The following MATR3 variants were observed in gnomAD, a reference collection of about 807,000 sequenced individuals.
MATR3 encodes matrin 3.
MATR3 carries 4 observed loss-of-function variants against 85.5 expected under a neutral mutation model. The observed-to-expected ratio is 0.05, with a 90% CI of 0.02 to 0.11. The LOEUF (loss-of-function observed/expected upper bound fraction) is 0.11. Among genes scored for constraint, MATR3 ranks in the 10% least tolerant of loss-of-function variants. The pLI is 1.00. For missense variants in MATR3, 685 were observed against 1,016.1 expected, an observed-to-expected ratio of 0.67 and a Z score of 4.43; for synonymous variants, 336 against 343.1, an observed-to-expected ratio of 0.98 and a Z score of 0.23.
Position 139,310,044 on chromosome 5 carries a change from CA to C in MATR3, c.912+1719del, listed in dbSNP as rs1445481507. 4 of 152,300 alleles carry C rather than the reference CA, an allele frequency of 2.6e-5. No individual in the cohort carries two copies. In the East Asian group the frequency reaches 7.7e-4, roughly 29 times the overall value. The allele number at this position is 152,300 out of a possible 1,614,324, so 9.4% of individuals were successfully genotyped here. A position where few individuals can be genotyped will look rare whatever the true frequency, so the allele number is the denominator to read the frequency against. ...TTAAGCTGTTGGGACATCATGAACA[CA>C]ATGGAACCATGAGAGGACTTCGAGA... On this transcript the variant is annotated intron_variant, in intron 2 of 14. Transcript: ENST00000394805.
At chr5:139,292,247 C>A (rs1382346121), upstream of MATR3, among the ~76,000 whole-genome samples, 7 of 152,180 alleles carry the variant, frequency 4.6e-5, no homozygotes, top group African/African-American at 1.4e-4. Context: ...CAGGCGAGAT[C>A]TACCGTGCCT....
chr5:139,308,417 C>T, intron 2 of MATR3, 90 bp downstream of exon 2: 10 of 1,465,244 alleles, frequency 6.8e-6, no homozygotes, highest in Non-Finnish European at 9.5e-6. Context: ...AGTCTGATGA[C>T]ATTGAGTTGA....
At chr5:139,280,136 A>G (rs1753461538) in intron 3 of MATR3, 1 of 152,248 alleles carries the variant, frequency 6.6e-6, no homozygotes, top group South Asian at 2.1e-4. Flanking sequence ...ACAGCCTTAG[A>G]CAATATCAAC....
intron 2 of MATR3, 61 bp from the exon 3 acceptor site, chr5:139,314,614 G>T: frequency 1.5e-6 from 2 of 1,351,108 alleles, no homozygotes; most frequent in Non-Finnish European, 1.1e-6. Flanking sequence ...GAGTTTGAAT[G>T]GTTCAGATGA....
At chr5:139,279,613 C>G (rs545282487) in intron 3 of MATR3, 2 of 159,858 alleles carry the variant, frequency 1.3e-5, no homozygotes, top group Admixed American at 1.2e-4. Context: ...AAGCGATTCT[C>G]CTGCCTCGGC....
chr5:139,315,647 T>C, intron 3 of MATR3, 50 bp from the exon 4 acceptor site: 1 of 1,274,742 alleles, frequency 7.8e-7, no homozygotes. Flanking sequence ...AAGGCTGTTT[T>C]GTGAAAAGGA....
upstream of MATR3, among the ~76,000 whole-genome samples, chr5:139,291,201 G>A (rs1354703206): frequency 6.6e-6 from 1 of 152,180 alleles, no homozygotes; most frequent in Non-Finnish European, 1.5e-5. Flanking sequence ...CCCTCTGCCT[G>A]GGGATGCTTT....
chr5:139,302,421 A>G (rs1032156550), intron 1 of MATR3, among the ~76,000 whole-genome samples: 5 of 152,230 alleles, frequency 3.3e-5, no homozygotes, highest in African/African-American at 9.6e-5. Context: ...CTTAAATGAA[A>G]TAATTGTTAC....
At chr5:139,318,638 T>C (rs1320470528) in intron 7 of MATR3, among the ~76,000 whole-genome samples, 2 of 152,256 alleles carry the variant, frequency 1.3e-5, no homozygotes, top group East Asian at 3.8e-4. Flanking sequence ...AGACGGGGTT[T>C]CACCATGTTG....
At chr5:139,304,056 T>C (rs2151951142) in intron 1 of MATR3, among the ~76,000 whole-genome samples, 1 of 152,304 alleles carries the variant, frequency 6.6e-6, no homozygotes, top group East Asian at 1.9e-4. Context: ...CTGAAACGTT[T>C]CCTAACCATA....
Position 139,307,539 on chromosome 5 carries a change from C to G in MATR3, c.124C>G (p.Leu42Val). ...CCAGTCTTTAAGTATGCCAGCATCT[C>G]TTGGAAGGATGAACCAGGGTACTGC... ...ATQSLSMPAS[L>V]GRMNQGTARL... is the part of the protein sequence containing the mutation. The change falls in exon 2 of 15, where the codon CTT becomes GTT. Residue 42 changes from leucine (L) to valine (V), a missense_variant. By Grantham distance (32) the Leu-to-Val change is conservative. Transcript: ENST00000394805. The surrounding 1 kb of genome is among the most constrained non-coding windows in gnomAD (Gnocchi z 4.4). 6.2e-7 allele frequency: 1 copy of G among 1,614,116 alleles called. No homozygotes were observed.
intron 1 of MATR3, among the ~76,000 whole-genome samples, chr5:139,306,663 A>C (rs1754721727): frequency 6.6e-6 from 1 of 152,156 alleles, no homozygotes; most frequent in Admixed American, 6.6e-5. Context: ...TTTCTTATTC[A>C]CATCTATCTT....
intron 3 of MATR3, chr5:139,315,427 C>T: frequency 5.2e-6 from 2 of 385,014 alleles, no homozygotes; most frequent in Non-Finnish European, 9.5e-6. Context: ...GGCACTTCCT[C>T]CTTACAATTT....
intron 9 of MATR3, among the ~76,000 whole-genome samples, chr5:139,320,875 G>C (rs1191762126): frequency 6.8e-6 from 1 of 147,030 alleles, no homozygotes; most frequent in Admixed American, 6.8e-5. Flanking sequence ...AGCTTCCCCA[G>C]TAGCTGGGAC....
intron 9 of MATR3, among the ~76,000 whole-genome samples, chr5:139,320,375 G>T (rs1054139577): frequency 3.3e-5 from 5 of 152,164 alleles, no homozygotes; most frequent in African/African-American, 1.2e-4. Context: ...ACATTGGGAG[G>T]CTGAGGCCAG....
chr5:139,326,093 A>C, intron 13 of MATR3, 70 bp from the exon 14 acceptor site: 1 of 1,272,664 alleles, frequency 7.9e-7, no homozygotes, highest in Non-Finnish European at 1.1e-6. Context: ...AATTATGTTG[A>C]CAGGTGAAAT....
chr5:139,314,306 C>A, intron 2 of MATR3: 1 of 284,540 alleles, frequency 3.5e-6, no homozygotes, highest in Non-Finnish European at 6.9e-6. Flanking sequence ...ATTCAGAGTG[C>A]TATAAAGTAG....
chr5:139,284,111 C>T (rs1429374967), intron 3 of MATR3, among the ~76,000 whole-genome samples: 2 of 152,214 alleles, frequency 1.3e-5, no homozygotes, highest in Admixed American at 1.3e-4. Flanking sequence ...ATAATAACCT[C>T]TCTGTCATAA....
chr5:139,307,852 A>G lies in MATR3; in HGVS notation c.437A>G (p.Lys146Arg). 1 of 1,614,062 alleles carries G rather than the reference A, an allele frequency of 6.2e-7. No homozygotes were observed. Among genetic ancestry groups the G allele is most frequent in the Non-Finnish European group, 8.5e-7 (1 of 1,179,986 alleles). The change falls in exon 2 of 15, where the codon AAA (lysine) becomes AGA (arginine). Residue 146 changes from lysine (K) to arginine (R), a missense_variant. Physicochemically the swap from Lys to Arg is conservative, Grantham distance 26. Transcript: ENST00000394805. The surrounding 1 kb of genome is among the most constrained non-coding windows in gnomAD (Gnocchi z 4.4). ...ENLPQILLQLKRRRTEEGPTL... is the reference protein window; with the variant it reads ...ENLPQILLQLRRRRTEEGPTL... ...TTGCCCCAAATCCTTCTACAGCTTAAAAGGAGGAGAACTGAAGAAGGCCCT... is the reference window on the plus strand; with the variant it reads ...TTGCCCCAAATCCTTCTACAGCTTAGAAGGAGGAGAACTGAAGAAGGCCCT...
Sources: allele counts gnomAD v4.1 joint callset (sites outside exome capture counted in the v4.1 genomes callset), GRCh38; gene constraint gnomAD v4.1.1; non-coding constraint Gnocchi (gnomAD v3.1); transcripts MANE v1.5; gene names NCBI Gene and HGNC (gene_info 2026-07-23, HGNC 2026-07-21).